The following MMP26 variants were observed in gnomAD, a reference collection of about 807,000 sequenced individuals.
MMP26 encodes matrix metalloproteinase-26.
A neutral mutation model predicts 31.0 loss-of-function variants in MMP26; 33 were observed. That is an observed-to-expected ratio of 1.06 (90% confidence interval 0.81 to 1.42). MMP26 has a LOEUF of 1.42. Among genes scored for constraint, MMP26 ranks in the 40% most tolerant of loss-of-function variants. The probability of loss-of-function intolerance (pLI) is 0.00; values close to 1 mark genes in which losing one functional copy is unlikely to be tolerated. For missense variants in MMP26, 347 were observed against 316.1 expected, an observed-to-expected ratio of 1.10 and a Z score of -0.74; for synonymous variants, 122 against 114.9, an observed-to-expected ratio of 1.06 and a Z score of -0.40.
chr11:4,746,174 C>T (rs149907910), intron 1 of MMP26, among the ~76,000 whole-genome samples: 8 of 152,114 alleles, frequency 5.3e-5, no homozygotes, highest in East Asian at 1.9e-4. Context: ...ATTATCATTT[C>T]GAGTATTTTC....
chr11:4,959,156 T>C (rs1308526392), intron 2 of MMP26, among the ~76,000 whole-genome samples: 1 of 143,292 alleles, frequency 7.0e-6, no homozygotes, highest in African/African-American at 2.6e-5. Flanking sequence ...GAGAACGGCG[T>C]GAATACGGGA....
At chr11:4,903,805 G>C (rs1850839981) in intron 2 of MMP26, 1 of 152,068 alleles carries the variant, frequency 6.6e-6, no homozygotes, top group African/African-American at 2.4e-5. Flanking sequence ...TTCTGGTAAG[G>C]TTAAGGAGCT....
At chr11:4,821,452 C>T in intron 2 of MMP26, 1 of 1,613,720 alleles carries the variant, frequency 6.2e-7, no homozygotes, top group Non-Finnish European at 8.5e-7. Context: ...CATTGCTGAG[C>T]CTCTGATCTT....
At chr11:4,988,034 C>G (rs557822886) in intron 2 of MMP26, 34 bp from the exon 3 acceptor site, 2 of 638,972 alleles carry the variant, frequency 3.1e-6, no homozygotes, top group East Asian at 2.7e-5. Context: ...CTGCTTTTGT[C>G]ACCCTTGCAT....
At chr11:4,838,253 A>ACT (rs1444358570) in intron 2 of MMP26, among the ~76,000 whole-genome samples, 1 of 143,046 alleles carries the variant, frequency 7.0e-6, no homozygotes, top group East Asian at 2.2e-4. Flanking sequence ...AGGAGGCAGA[A>ACT]CTTGCAGTGA....
At chr11:4,778,916 GT>G (rs990149000) in intron 2 of MMP26, among the ~76,000 whole-genome samples, 8 of 151,800 alleles carry the variant, frequency 5.3e-5, no homozygotes, top group African/African-American at 1.9e-4. Flanking sequence ...GTTTAATACT[GT>G]TTTTTGTATC....
At chr11:4,720,857 C>T (rs1641943674) in intron 1 of MMP26, among the ~76,000 whole-genome samples, 1 of 152,200 alleles carries the variant, frequency 6.6e-6, no homozygotes, top group African/African-American at 2.4e-5. Context: ...GGAGTTGAGA[C>T]TTAGGTCCCT....
At chr11:4,823,300 A>G (rs1299627024) in intron 2 of MMP26, among the ~76,000 whole-genome samples, 1 of 152,162 alleles carries the variant, frequency 6.6e-6, no homozygotes, top group African/African-American at 2.4e-5. Context: ...ATCTCTTCTA[A>G]CAAAGTTGCT....
intron 1 of MMP26, chr11:4,722,783 G>T: frequency 2.0e-6 from 2 of 1,002,546 alleles, no homozygotes; most frequent in Non-Finnish European, 3.1e-6. Context: ...TCCCTTCGTG[G>T]GTCTCGATAT....
At chr11:4,781,463 C>T (rs936591642) in intron 2 of MMP26, among the ~76,000 whole-genome samples, 1 of 110,064 alleles carries the variant, frequency 9.1e-6, no homozygotes. Flanking sequence ...AGGAGAATGG[C>T]GTGAACCCGG....
At chr11:4,894,966 A>C (rs1850679206) in intron 2 of MMP26, among the ~76,000 whole-genome samples, 1 of 152,220 alleles carries the variant, frequency 6.6e-6, no homozygotes, top group Non-Finnish European at 1.5e-5. Context: ...ATAGTAAAAT[A>C]GCAAAATTAC....
chr11:4,981,471 A>G (rs555420618), intron 2 of MMP26, among the ~76,000 whole-genome samples: 1 of 152,256 alleles, frequency 6.6e-6, no homozygotes, highest in East Asian at 1.9e-4. Context: ...AACATAAATA[A>G]TGTATGGTAA....
chr11:4,805,844 G>C (rs1057009401), intron 2 of MMP26, among the ~76,000 whole-genome samples: 1 of 151,882 alleles, frequency 6.6e-6, no homozygotes, highest in African/African-American at 2.4e-5. Flanking sequence ...GAGTTTTTTG[G>C]TGATCACTAT....
chr11:4,873,850 A>G (rs1850343038), intron 2 of MMP26, among the ~76,000 whole-genome samples: 1 of 152,118 alleles, frequency 6.6e-6, no homozygotes, highest in South Asian at 2.1e-4. Context: ...ATTATTAAGT[A>G]ACTTGTTCAA....
In MMP26 at chr11:4,746,119, C is replaced by A. The variant is rs575425332; in HGVS notation, c.-216-21151C>A. On this transcript the variant is annotated intron_variant, in intron 1 of 7. Coordinates refer to ENST00000380390, the MANE Select transcript of MMP26 (RefSeq NM_021801.5). ...TGATGCCATTATCAAAATTTGAATG[C>A]CAATTAAAATTTTCATAGTCAATCT... Among the ~76,000 whole-genome samples, 3 of 152,232 alleles carry A rather than the reference C, an allele frequency of 2.0e-5. No homozygotes were observed. In the East Asian group the frequency reaches 5.8e-4, roughly 29 times the overall value.
At chr11:4,767,652 A>G (rs1848649761) in intron 2 of MMP26, among the ~76,000 whole-genome samples, 1 of 152,194 alleles carries the variant, frequency 6.6e-6, no homozygotes, top group East Asian at 1.9e-4. Context: ...TATAAAAATT[A>G]TCATTATCAG....
At chr11:4,829,822 G>A (rs374458421) in intron 2 of MMP26, among the ~76,000 whole-genome samples, 13 of 152,328 alleles carry the variant, frequency 8.5e-5, no homozygotes, top group African/African-American at 3.1e-4. Flanking sequence ...TGACCTCAGT[G>A]ACTGGCTTAT....
chr11:4,912,267 A>AAATAATTT (rs60432176), intron 2 of MMP26, among the ~76,000 whole-genome samples: 74,876 of 151,314 alleles, frequency 0.49, 19,963 homozygotes, highest in Middle Eastern at 0.67. Context: ...CAGATAAATA[A>AAATAATTT]AATAATTTGT....
At chr11:4,724,377 A>G (rs1433341935) in intron 1 of MMP26, among the ~76,000 whole-genome samples, 1 of 152,208 alleles carries the variant, frequency 6.6e-6, no homozygotes, top group Non-Finnish European at 1.5e-5. Context: ...ACTTGTAGGG[A>G]TCTGGACACA....
Sources: allele counts gnomAD v4.1 joint callset (sites outside exome capture counted in the v4.1 genomes callset), GRCh38; gene constraint gnomAD v4.1.1; transcripts MANE v1.5; gene names NCBI Gene and HGNC (gene_info 2026-07-23, HGNC 2026-07-21).